The following HSPA4L variants were observed in gnomAD, a reference collection of about 807,000 sequenced individuals.
HSPA4L encodes the protein heat shock protein family A (Hsp70) member 4 like.
In HSPA4L, 48 loss-of-function variants were observed where a neutral mutation model predicts 100.3. The ratio of observed to expected loss-of-function variants is 0.48; its 90% CI spans 0.38 to 0.61. The LOEUF (loss-of-function observed/expected upper bound fraction) is 0.61, where lower values mean the gene tolerates loss of function less well. HSPA4L is among the 20% of genes least tolerant of loss of function. HSPA4L has a pLI of 0.00. For synonymous variants in HSPA4L, 319 were observed against 328.2 expected (o/e 0.97, Z 0.30); for missense variants, 886 against 988.6 (o/e 0.90, Z 1.39).
chr4:127,832,968 C>G lies in HSPA4L; in HGVS notation c.*94C>G. 1.2e-6 allele frequency: 1 copy of G among 865,028 alleles called. No individual in the cohort carries two copies. The highest frequency in any genetic ancestry group is 1.7e-6 in the Non-Finnish European group (1 of 590,054). The allele number at this position is 865,028 out of a possible 1,614,324, so 53.6% of individuals were successfully genotyped here. A position where few individuals can be genotyped will look rare whatever the true frequency, so the allele number is the denominator to read the frequency against. On this transcript the variant is annotated 3_prime_UTR_variant, in exon 19 of 19. Coordinates refer to ENST00000296464, the MANE Select transcript of HSPA4L (RefSeq NM_014278.4). ...TACACACAACAGACGCTCAGTTGTT[C>G]TTAACCACTTTTGTCATTTGTTTTT...
intron 12 of HSPA4L, 69 bp downstream of exon 12, chr4:127,811,705 G>T: frequency 8.7e-7 from 1 of 1,147,914 alleles, no homozygotes; most frequent in Non-Finnish European, 1.2e-6. Context: ...ATCATAACTG[G>T]GACTTTAATA....
At chr4:127,816,802 G>T (rs1285489210) in intron 12 of HSPA4L, among the ~76,000 whole-genome samples, 1 of 152,174 alleles carries the variant, frequency 6.6e-6, no homozygotes, top group Non-Finnish European at 1.5e-5. Context: ...TGAATGTGAA[G>T]AAATTTTAGA....
Position 127,801,238 on chromosome 4 carries a change from G to T in HSPA4L, c.529+1G>T. ...AGGTTGATGAATGAAACTACTGCAG[G>T]TGAGCACTTTGCAATTTGAAAATCA... On this transcript the variant is annotated splice_donor_variant, in intron 5 of 18. Coordinates refer to ENST00000296464, the MANE Select transcript of HSPA4L (RefSeq NM_014278.4). LOFTEE classifies it high-confidence loss of function. 6.3e-7 allele frequency: 1 copy of T among 1,597,964 alleles called. No homozygotes were observed. Among genetic ancestry groups the T allele is most frequent in the Non-Finnish European group, 8.5e-7 (1 of 1,171,866 alleles).
At chr4:127,800,516 T>C (rs1036833461) in intron 4 of HSPA4L, among the ~76,000 whole-genome samples, 1 of 152,178 alleles carries the variant, frequency 6.6e-6, no homozygotes, top group Non-Finnish European at 1.5e-5. Flanking sequence ...TGTGTATGTA[T>C]GTATGTATAT....
chr4:127,795,124 A>G lies in HSPA4L; in HGVS notation c.166-644A>G, dbSNP rs184843281. 3.1e-3 allele frequency among the ~76,000 whole-genome samples: 478 copies of G among 151,768 alleles called. 4 individuals carry two copies. Among genetic ancestry groups the G allele is most frequent in the African/African-American group, 0.011 (461 of 41,446 alleles). On this transcript the variant is annotated intron_variant, in intron 2 of 18. Transcript: ENST00000296464. The stretch of plus-strand genomic sequence containing the variant: ...TCACAAAGAATTAGATATGGAGAGG[A>G]AAAAAAAACCTAGACAATAATAAAC...
intron 1 of HSPA4L, among the ~76,000 whole-genome samples, chr4:127,789,142 A>C (rs1732800292): frequency 1.3e-5 from 2 of 152,194 alleles, no homozygotes; most frequent in Non-Finnish European, 2.9e-5. Flanking sequence ...TTTTGAGAGA[A>C]GAAGAAAATC....
rs531146009 is a variant in HSPA4L at position 127,807,986 on chromosome 4, T to G, written c.1245-10T>G. The G allele has an allele frequency of 6.2e-7, 1 of 1,604,384 alleles. No individual in the cohort carries two copies. The highest frequency in any genetic ancestry group is 8.5e-7 in the Non-Finnish European group (1 of 1,177,430). Reference sequence around the variant, plus strand: ...TTTGTTTCTAAGTGAGTTCTTTCCCTCCATTTTAGGGAATGTGAAGTTTTC... The same window carrying G: ...TTTGTTTCTAAGTGAGTTCTTTCCCGCCATTTTAGGGAATGTGAAGTTTTC... On this transcript the variant is annotated splice_polypyrimidine_tract_variant and intron_variant, in intron 10 of 18. Transcript: ENST00000296464.
At position 127,834,417 on chromosome 4, in the gene HSPA4L, ACAAT is replaced by A. The variant is rs1734158465; in HGVS notation, c.*1544_*1547del. 6.6e-6 allele frequency: 1 copy of A among 152,214 alleles called. No homozygotes were observed. Among genetic ancestry groups the A allele is most frequent in the African/African-American group, 2.4e-5 (1 of 41,478 alleles). The allele number at this position is 152,214 out of a possible 1,614,324, so 9.4% of individuals were successfully genotyped here. On this transcript the variant is annotated 3_prime_UTR_variant, in exon 19 of 19. Coordinates refer to ENST00000296464, the MANE Select transcript of HSPA4L (RefSeq NM_014278.4). ...GTTCTCTACGAGAGATTTTGTTTCT[ACAAT>A]GTAGTCAGCACTTAATGGAGAGTAT...
chr4:127,838,851 T>TTGGATTTTATTACTTTTTGTAATAAA lies in HSPA4L; in HGVS notation c.*5977_*5978insTGGATTTTATTACTTTTTGTAATAAA, dbSNP rs1734296726. The TTGGATTTTATTACTTTTTGTAATAAA allele has an allele frequency of 6.6e-6, 1 of 152,248 alleles. No homozygotes were observed. The highest frequency in any genetic ancestry group is 2.4e-5 in the African/African-American group (1 of 41,480). The allele number at this position is 152,248 out of a possible 1,614,324, so 9.4% of individuals were successfully genotyped here. On this transcript the variant is annotated 3_prime_UTR_variant, in exon 19 of 19. Transcript: ENST00000296464. ...TTTACTGATAATCCAATCACTTGGA[T>TTGGATTTTATTACTTTTTGTAATAAA]AGTTAATTTTATTACTTTTTGTTTC...
chr4:127,803,965 C>T lies in HSPA4L; in HGVS notation c.909-46C>T, dbSNP rs769640610. Reference sequence around the variant, plus strand: ...TGTTTGTTGTTTTAGAAGATACGCTCAACTTTTAATCCCAGAATAATGAAT... The same window carrying T: ...TGTTTGTTGTTTTAGAAGATACGCTTAACTTTTAATCCCAGAATAATGAAT... On this transcript the variant is annotated intron_variant, in intron 7 of 18. Coordinates refer to ENST00000296464, the MANE Select transcript of HSPA4L (RefSeq NM_014278.4). 9.3e-6 allele frequency: 15 copies of T among 1,607,846 alleles called. No homozygotes were observed. In the Admixed American group the frequency reaches 2.5e-4, roughly 27 times the overall value.
chr4:127,813,210 T>C, intron 12 of HSPA4L: 2 of 1,207,664 alleles, frequency 1.7e-6, no homozygotes, highest in East Asian at 2.3e-5. Context: ...TTTTGGCGAA[T>C]TACTGGAAGA....
At chr4:127,804,652 T>C (rs577276601) in intron 8 of HSPA4L, among the ~76,000 whole-genome samples, 1 of 145,816 alleles carries the variant, frequency 6.9e-6, no homozygotes, top group South Asian at 2.2e-4. Context: ...CACACACTCA[T>C]GCTAGTTCTA....
chr4:127,828,400 G>A (rs7664919), intron 17 of HSPA4L, among the ~76,000 whole-genome samples: 1 of 151,960 alleles, frequency 6.6e-6, no homozygotes, highest in Admixed American at 6.6e-5. Flanking sequence ...ATCTCACCAG[G>A]ATATATCCTA....
intron 17 of HSPA4L, among the ~76,000 whole-genome samples, chr4:127,828,752 AAAGT>A (rs1734009372): frequency 6.6e-6 from 1 of 152,132 alleles, no homozygotes; most frequent in Admixed American, 6.5e-5. Flanking sequence ...GGATAATGAA[AAAGT>A]AAGAAGGAAG....
rs1293105397 is a variant in HSPA4L at position 127,833,712 on chromosome 4, T to G, written c.*838T>G. 1 of 152,170 alleles carries G rather than the reference T, an allele frequency of 6.6e-6. No homozygotes were observed. Among genetic ancestry groups the G allele is most frequent in the African/African-American group, 2.4e-5 (1 of 41,452 alleles). The allele number at this position is 152,170 out of a possible 1,614,324, so 9.4% of individuals were successfully genotyped here. On this transcript the variant is annotated 3_prime_UTR_variant, in exon 19 of 19. Transcript: ENST00000296464. Reference sequence around the variant, plus strand: ...GATGTTCATAGCCTTGTTTCAGTTATAATAGTTGTCTTGTTTTTTTCTTAA... The same window carrying G: ...GATGTTCATAGCCTTGTTTCAGTTAGAATAGTTGTCTTGTTTTTTTCTTAA...
rs1394428726 is a variant in HSPA4L, at chr4:127,834,320, T to G, written c.*1446T>G. On this transcript the variant is annotated 3_prime_UTR_variant, in exon 19 of 19. Transcript: ENST00000296464. ...AGCTAAATCTTTATATTAGGAACAA[T>G]TAAATATTGACTTAAGTTGTAAAAA... The G allele has an allele frequency of 2.6e-5, 4 of 152,198 alleles. No individual in the cohort carries two copies. The highest frequency in any genetic ancestry group is 5.9e-5 in the Non-Finnish European group (4 of 68,012). The allele number at this position is 152,198 out of a possible 1,614,324, so 9.4% of individuals were successfully genotyped here. A position where few individuals can be genotyped will look rare whatever the true frequency, so the allele number is the denominator to read the frequency against.
Position 127,820,499 on chromosome 4 carries a change from A to G in HSPA4L, c.1746A>G (p.Leu582=). Reference sequence around the variant, plus strand: ...AAGGAAAAGTCAAAAGTATTGATCTACCGATCCAGAGTAGCCTATGTAGAC... The same window carrying G: ...AAGGAAAAGTCAAAAGTATTGATCTGCCGATCCAGAGTAGCCTATGTAGAC... ...LKKGKVKSID[L]PIQSSLCRQL... Residue 582 remains leucine, a synonymous_variant, in exon 14 of 19, where the codon CTA becomes CTG. Coordinates refer to ENST00000296464, the MANE Select transcript of HSPA4L (RefSeq NM_014278.4). 6.2e-7 allele frequency: 1 copy of G among 1,603,374 alleles called. No individual in the cohort carries two copies.
intron 2 of HSPA4L, among the ~76,000 whole-genome samples, chr4:127,794,532 G>C (rs1205241026): frequency 1.3e-5 from 2 of 151,956 alleles, no homozygotes; most frequent in East Asian, 1.9e-4. Flanking sequence ...GTAACTCAAC[G>C]TGGCTACCAC....
chr4:127,819,025 TCTTAA>T (rs1196462308), intron 13 of HSPA4L, among the ~76,000 whole-genome samples: 1 of 152,104 alleles, frequency 6.6e-6, no homozygotes. Context: ...TAAGTTAAAA[TCTTAA>T]CTTTAAGTGA....
Sources: gnomAD v4.1 joint callset for allele counts (sites outside exome capture counted in the v4.1 genomes callset) on GRCh38, gnomAD v4.1.1 for gene constraint, MANE v1.5 for transcripts, NCBI Gene and HGNC (gene_info 2026-07-23, HGNC 2026-07-21) for gene names.